TEKT2: variants seen among roughly 807,000 people sequenced by gnomAD.
The protein encoded by TEKT2 is tektin 2.
TEKT2 carries 45 observed loss-of-function variants against 49.8 expected under a neutral mutation model. The observed-to-expected ratio is 0.90, with a 90% confidence interval of 0.71 to 1.16. TEKT2 has a LOEUF of 1.16. Ranked by LOEUF, TEKT2 falls within the 50% of genes most tolerant of loss-of-function variation. The pLI, the probability that TEKT2 is intolerant of heterozygous loss-of-function variation, is 0.00. For synonymous variants in TEKT2, 202 were observed against 224.6 expected, an observed-to-expected ratio of 0.90 and a Z score of 0.90; for missense variants, 523 against 551.4, an observed-to-expected ratio of 0.95 and a Z score of 0.52.
Position 36,085,033 on chromosome 1 carries a change from A to T in TEKT2, c.112A>T (p.Ile38Phe), listed in dbSNP as rs779605205. 6.2e-7 allele frequency: 1 copy of T among 1,614,028 alleles called. No homozygotes were observed. Among genetic ancestry groups the T allele is most frequent in the South Asian group, 1.1e-5 (1 of 91,084 alleles). ...AQLQRDASHQIRQEARVLRNE... is the reference protein window; with the variant it reads ...AQLQRDASHQFRQEARVLRNE... ...GCTGCAGCGAGATGCTTCCCATCAG[A>T]TCCGCCAGGAGGCCCGGGTGCTCCG... Residue 38 changes from isoleucine (I) to phenylalanine (F), a missense_variant, in exon 2 of 10, where the codon ATC (isoleucine) becomes TTC (phenylalanine). Physicochemically the swap from Ile to Phe is conservative, Grantham distance 21. Coordinates refer to ENST00000207457, the MANE Select transcript of TEKT2 (RefSeq NM_014466.3).
rs755243588 is a variant in TEKT2, at chr1:36,087,399, G to A, written c.856-40G>A. 1.2e-6 allele frequency: 2 copies of A among 1,613,876 alleles called. No individual in the cohort carries two copies. The highest frequency in any genetic ancestry group is 2.2e-5 in the South Asian group (2 of 91,086). ...GAGGCACTGGACCAGGCATGCACGT[G>A]AGTCCAGCAGGTGGAAACCAGTCAC... is the stretch of plus-strand genomic sequence containing the variant. On this transcript the variant is annotated intron_variant, in intron 7 of 9. Coordinates refer to ENST00000207457, the MANE Select transcript of TEKT2 (RefSeq NM_014466.3). The surrounding 1 kb of genome is among the most constrained non-coding windows in gnomAD (Gnocchi z 4.9).
Position 36,088,008 on chromosome 1 carries a change from G to A in TEKT2, c.1115G>A (p.Arg372Gln), listed in dbSNP as rs141119805. Residue 372 changes from arginine to glutamine, a missense_variant, in exon 10 of 10, where the codon CGG becomes CAG. Coordinates refer to ENST00000207457, the MANE Select transcript of TEKT2 (RefSeq NM_014466.3). Reference sequence around the variant, plus strand: ...GACGCCCTGTGCAAGCACCTGGCCCGGCTGCAGGCTGACATTGCCTGCAAG... The same window carrying A: ...GACGCCCTGTGCAAGCACCTGGCCCAGCTGCAGGCTGACATTGCCTGCAAG... ...ALDALCKHLA[R>Q]LQADIACKAN... 655 of 1,611,926 alleles carry A rather than the reference G, an allele frequency of 4.1e-4. 2 individuals carry two copies. The highest frequency in any genetic ancestry group is 3.6e-3 in the Admixed American group (213 of 59,858).
chr1:36,085,144 C>A lies in TEKT2; in HGVS notation c.157-19C>A. 6.2e-7 allele frequency: 1 copy of A among 1,614,270 alleles called. No homozygotes were observed. Among genetic ancestry groups the A allele is most frequent in the East Asian group, 2.2e-5 (1 of 44,890 alleles). On this transcript the variant is annotated intron_variant, in intron 2 of 9. Transcript: ENST00000207457. Reference sequence around the variant, plus strand: ...CCCAACCCCTTGACACCCTCTCTATCTGGCTCTGTCTCTCTCAGACCATTT... The same window carrying A: ...CCCAACCCCTTGACACCCTCTCTATATGGCTCTGTCTCTCTCAGACCATTT...
rs1643402923 is a variant in TEKT2, at chr1:36,087,567, A to G, written c.984A>G (p.Glu328=). The G allele has an allele frequency of 3.7e-6, 6 of 1,613,576 alleles. No homozygotes were observed. ...LEARTYRPNV[E]LCRDQAQYGL... Reference sequence around the variant, plus strand: ...CCAGAACCTACCGGCCCAACGTGGAACTCTGCCGGGACCAGGTGAGAGGGT... The same window carrying G: ...CCAGAACCTACCGGCCCAACGTGGAGCTCTGCCGGGACCAGGTGAGAGGGT... The change falls in exon 8 of 10, where the codon GAA becomes GAG. Residue 328 remains glutamate, a synonymous_variant. Transcript: ENST00000207457. The surrounding 1 kb of genome is among the most constrained non-coding windows in gnomAD (Gnocchi z 4.9).
chr1:36,086,393 G>C (rs956351733), intron 4 of TEKT2, among the ~76,000 whole-genome samples: 1 of 152,148 alleles, frequency 6.6e-6, no homozygotes, highest in African/African-American at 2.4e-5. Flanking sequence ...GGGCTCATGG[G>C]GGTCAGCATT....
chr1:36,085,507 C>CTTTTTTT lies in TEKT2; in HGVS notation c.282+238_282+244dup, dbSNP rs1159834731. 1.7e-3 allele frequency among the ~76,000 whole-genome samples: 137 copies of CTTTTTTT among 82,560 alleles called. 2 individuals carry two copies. Among genetic ancestry groups the CTTTTTTT allele is most frequent in the African/African-American group, 3.6e-3 (63 of 17,592 alleles). The allele number at this position is 82,560 out of a possible 152,430, so 54.2% of individuals were successfully genotyped here. On this transcript the variant is annotated intron_variant, in intron 3 of 9. Transcript: ENST00000207457. ...TTCTTTTTTTTTCTTTCTTTCTTTT[C>CTTTTTTT]TTTTTTTTTTTTTTTTTTTTTTTTT...
chr1:36,087,997 G>A lies in TEKT2; in HGVS notation c.1104G>A (p.Lys368=). The A allele has an allele frequency of 1.2e-6, 2 of 1,611,478 alleles. No individual in the cohort carries two copies. The highest frequency in any genetic ancestry group is 8.5e-7 in the Non-Finnish European group (1 of 1,179,394). ...GGGACGCACTGGACGCCCTGTGCAAGCACCTGGCCCGGCTGCAGGCTGACA... is the reference window on the plus strand; with the variant it reads ...GGGACGCACTGGACGCCCTGTGCAAACACCTGGCCCGGCTGCAGGCTGACA... ...QAQDALDALC[K]HLARLQADIA... The change falls in exon 10 of 10, where the codon AAG becomes AAA. Residue 368 remains lysine (K), a synonymous_variant. Coordinates refer to ENST00000207457, the MANE Select transcript of TEKT2 (RefSeq NM_014466.3). This position sits in a 1 kb window ranked among gnomAD's most constrained non-coding sequence, Gnocchi z 4.9.
intron 3 of TEKT2, 36 bp downstream of exon 3, chr1:36,085,324 C>T: frequency 6.2e-7 from 1 of 1,612,744 alleles, no homozygotes; most frequent in South Asian, 1.1e-5. Context: ...GGGGCTGCTG[C>T]CGAAACCTCC....
rs533010125 is a variant in TEKT2 at position 36,084,830 on chromosome 1, C to A, written c.-52-40C>A. 1.9e-6 allele frequency: 3 copies of A among 1,591,666 alleles called. No homozygotes were observed. The East Asian group carries it at 6.7e-5, about 36-fold the overall frequency. ...GCAGGGGGCGTGTGATCCAGGAGGT[C>A]TCCGGAAAGGTCTCCCGCAGCAGTG... is the stretch of plus-strand genomic sequence containing the variant. On this transcript the variant is annotated intron_variant, in intron 1 of 9. Coordinates refer to ENST00000207457, the MANE Select transcript of TEKT2 (RefSeq NM_014466.3). This position sits in a 1 kb window ranked among gnomAD's most constrained non-coding sequence, Gnocchi z 4.1.
At position 36,085,008 on chromosome 1, in the gene TEKT2, G is replaced by T. The variant is rs754273407; in HGVS notation, c.87G>T (p.Gln29His). ...GCTACCTGCTATCCACCAATGCCCA[G>T]CTGCAGCGAGATGCTTCCCATCAGA... Reference protein sequence around the residue: ...TNSYLLSTNAQLQRDASHQIR... With the variant: ...TNSYLLSTNAHLQRDASHQIR... Residue 29 changes from glutamine (Q) to histidine (H), a missense_variant, in exon 2 of 10, where the codon CAG becomes CAT. Gln to His is a conservative substitution (Grantham distance 24). Coordinates refer to ENST00000207457, the MANE Select transcript of TEKT2 (RefSeq NM_014466.3). The T allele has an allele frequency of 6.2e-6, 10 of 1,613,924 alleles. No homozygotes were observed. In the South Asian group the frequency reaches 1.1e-4, roughly 18 times the overall value.
chr1:36,085,586 C>T, intron 3 of TEKT2: 3 of 501,348 alleles, frequency 6.0e-6, no homozygotes, highest in Admixed American at 7.0e-5. Context: ...GTGATCGTGG[C>T]TCACTGCAAC....
In TEKT2 at chr1:36,088,096, T is replaced by C; in HGVS notation, c.1203T>C (p.Ala401=). Reference sequence around the variant, plus strand: ...CACGGCGCAAGCTGACCGTGCCTGCTGAGAGGTTCGTGCCTGAGGTGGACA... The same window carrying C: ...CACGGCGCAAGCTGACCGTGCCTGCCGAGAGGTTCGTGCCTGAGGTGGACA... ...MDTRRKLTVP[A]ERFVPEVDTF... Residue 401 remains alanine (A), a synonymous_variant, in exon 10 of 10, where the codon GCT becomes GCC. Coordinates refer to ENST00000207457, the MANE Select transcript of TEKT2 (RefSeq NM_014466.3). 1 of 1,613,016 alleles carries C rather than the reference T, an allele frequency of 6.2e-7. No individual in the cohort carries two copies. The highest frequency in any genetic ancestry group is 8.5e-7 in the Non-Finnish European group (1 of 1,179,920).
Position 36,085,931 on chromosome 1 carries a change from T to C in TEKT2, c.378T>C (p.Ile126=). 11 of 1,613,868 alleles carry C rather than the reference T, an allele frequency of 6.8e-6. No individual in the cohort carries two copies. Among genetic ancestry groups the C allele is most frequent in the Non-Finnish European group, 9.3e-6 (11 of 1,179,952 alleles). Reference sequence around the variant, plus strand: ...CCCTGCGGGAAAGCCGGCGAGACATTGATGTGGTGAAGGACCCTGTGGAGG... The same window carrying C: ...CCCTGCGGGAAAGCCGGCGAGACATCGATGTGGTGAAGGACCCTGTGGAGG... The part of the protein sequence containing the change: ...CLTLRESRRD[I]DVVKDPVEDE... The change falls in exon 4 of 10, where the codon ATT becomes ATC. Residue 126 remains isoleucine, a synonymous_variant. Transcript: ENST00000207457.
At position 36,085,206 on chromosome 1, in the gene TEKT2, G is replaced by A. The variant is rs1441775208; in HGVS notation, c.200G>A (p.Arg67Lys). 2 of 1,614,120 alleles carry A rather than the reference G, an allele frequency of 1.2e-6. No individual in the cohort carries two copies. Among genetic ancestry groups the A allele is most frequent in the Non-Finnish European group, 1.7e-6 (2 of 1,180,058 alleles). ...EHDNRTRLVE[R>K]IDTVNRWKEM... is the part of the protein sequence containing the mutation. ...GACAACAGGACTCGACTGGTGGAGAGGATTGATACTGTCAACCGGTGGAAG... is the reference window on the plus strand; with the variant it reads ...GACAACAGGACTCGACTGGTGGAGAAGATTGATACTGTCAACCGGTGGAAG... The change falls in exon 3 of 10, where the codon AGG (arginine) becomes AAG (lysine). Residue 67 changes from arginine to lysine, a missense_variant. Transcript: ENST00000207457.
rs1643338731 is a variant in TEKT2 at position 36,084,659 on chromosome 1, G to C, written c.-52-211G>C. ...TTTTTACCTGCTCCAGGACCTGCAAGGTCCAGGGGTTTGTGTCCGCCTGGG... is the reference window on the plus strand; with the variant it reads ...TTTTTACCTGCTCCAGGACCTGCAACGTCCAGGGGTTTGTGTCCGCCTGGG... On this transcript the variant is annotated intron_variant, in intron 1 of 9. Transcript: ENST00000207457. The surrounding 1 kb of genome is among the most constrained non-coding windows in gnomAD (Gnocchi z 4.1). The C allele has an allele frequency of 1.7e-6, 1 of 578,506 alleles. No individual in the cohort carries two copies. Among genetic ancestry groups the C allele is most frequent in the Non-Finnish European group, 3.1e-6 (1 of 323,952 alleles). 35.8% of individuals were successfully genotyped at this position (578,506 alleles called of 1,614,324 possible). A position where few individuals can be genotyped will look rare whatever the true frequency, so the allele number is the denominator to read the frequency against.
chr1:36,087,022 G>C lies in TEKT2; in HGVS notation c.724G>C (p.Ala242Pro), dbSNP rs372949873. Residue 242 changes from alanine (A) to proline (P), a missense_variant, in exon 6 of 10, where the codon GCC (alanine) becomes CCC (proline). Ala to Pro is a conservative substitution (Grantham distance 27). Transcript: ENST00000207457. The surrounding 1 kb of genome is among the most constrained non-coding windows in gnomAD (Gnocchi z 4.9). ...EMKAATELRE[A>P]TALTIAETNN... ...GAAGGCAGCCACAGAGCTGAGGGAG[G>C]CCACTGCTCTAACTATTGCTGAGGT... The C allele has an allele frequency of 9.3e-6, 15 of 1,613,868 alleles. No homozygotes were observed. The African/African-American group carries it at 1.9e-4, about 20-fold the overall frequency.
chr1:36,085,409 C>A, intron 3 of TEKT2, 121 bp downstream of exon 3: 1 of 1,502,192 alleles, frequency 6.7e-7, no homozygotes, highest in Non-Finnish European at 9.1e-7. Flanking sequence ...AGTCACTGGC[C>A]CCCTGCTAAA....
rs1226785068 is a variant in TEKT2, at chr1:36,084,909, T to C, written c.-13T>C. The C allele has an allele frequency of 1.2e-6, 2 of 1,613,518 alleles. No homozygotes were observed. Among genetic ancestry groups the C allele is most frequent in the African/African-American group, 2.7e-5 (2 of 75,050 alleles). ...CAGGCCTAGGGGTTTCTGACCCTTCTGGTTTCTGTGCCATGGCCACGCTGA... is the reference window on the plus strand; with the variant it reads ...CAGGCCTAGGGGTTTCTGACCCTTCCGGTTTCTGTGCCATGGCCACGCTGA... On this transcript the variant is annotated 5_prime_UTR_variant, in exon 2 of 10. Transcript: ENST00000207457. The surrounding 1 kb of genome is among the most constrained non-coding windows in gnomAD (Gnocchi z 4.1).
Position 36,087,423 on chromosome 1 carries a change from A to T in TEKT2, c.856-16A>T. The T allele has an allele frequency of 6.2e-7, 1 of 1,613,776 alleles. No individual in the cohort carries two copies. The highest frequency in any genetic ancestry group is 8.5e-7 in the Non-Finnish European group (1 of 1,180,018). ...TGAGTCCAGCAGGTGGAAACCAGTCACTCTGTCCCCTGCAGACCTTGGAGG... is the reference window on the plus strand; with the variant it reads ...TGAGTCCAGCAGGTGGAAACCAGTCTCTCTGTCCCCTGCAGACCTTGGAGG... On this transcript the variant is annotated splice_polypyrimidine_tract_variant and intron_variant, in intron 7 of 9. Coordinates refer to ENST00000207457, the MANE Select transcript of TEKT2 (RefSeq NM_014466.3). This position sits in a 1 kb window ranked among gnomAD's most constrained non-coding sequence, Gnocchi z 4.9.
Sources: allele counts gnomAD v4.1 joint callset (sites outside exome capture counted in the v4.1 genomes callset), GRCh38; gene constraint gnomAD v4.1.1; non-coding constraint Gnocchi (gnomAD v3.1); transcripts MANE v1.5; gene names NCBI Gene and HGNC (gene_info 2026-07-23, HGNC 2026-07-21).